BCAS3: variants seen among roughly 807,000 people sequenced by gnomAD.
BCAS3 encodes the protein BCAS3 microtubule associated cell migration factor.
BCAS3 carries 53 observed loss-of-function variants against 116.1 expected under a neutral mutation model. That is an observed-to-expected ratio of 0.46 (90% CI 0.37 to 0.57). BCAS3 has a LOEUF of 0.57. BCAS3 is among the 20% of genes least tolerant of loss of function. The pLI, the probability that BCAS3 is intolerant of heterozygous loss-of-function variation, is 0.00. For missense variants in BCAS3, 917 were observed against 1,165.4 expected (o/e 0.79, Z 3.10); for synonymous variants, 391 against 408.2 (o/e 0.96, Z 0.51).
intron 10 of BCAS3, among the ~76,000 whole-genome samples, chr17:60,896,240 A>G (rs1207698814): frequency 6.6e-6 from 1 of 152,216 alleles, no homozygotes; most frequent in East Asian, 1.9e-4. Context: ...CAAGAGAACC[A>G]TTTGGACCCA....
intron 6 of BCAS3, among the ~76,000 whole-genome samples, chr17:60,797,144 C>G (rs1374416437): frequency 6.6e-6 from 1 of 152,116 alleles, no homozygotes; most frequent in African/African-American, 2.4e-5. Flanking sequence ...GATCCACCCA[C>G]CTTGACCTCC....
At position 61,364,628 on chromosome 17, in the gene BCAS3, A is replaced by G. The variant is rs1239045987; in HGVS notation, c.2426-3699A>G. Among the ~76,000 whole-genome samples the G allele has an allele frequency of 6.6e-6, 1 of 152,232 alleles. No individual in the cohort carries two copies. Among genetic ancestry groups the G allele is most frequent in the Non-Finnish European group, 1.5e-5 (1 of 68,046 alleles). On this transcript the variant is annotated intron_variant, in intron 22 of 23. Transcript: ENST00000407086. This position sits in a 1 kb window ranked among gnomAD's most constrained non-coding sequence, Gnocchi z 5.4. Reference sequence around the variant, plus strand: ...GAGGCTGAGGTGGAAGGATCTCTTCAGCCCAGGAGGCTGTGGCTGCAGTGA... The same window carrying G: ...GAGGCTGAGGTGGAAGGATCTCTTCGGCCCAGGAGGCTGTGGCTGCAGTGA...
intron 14 of BCAS3, among the ~76,000 whole-genome samples, chr17:60,978,351 T>C (rs1322622218): frequency 6.6e-6 from 1 of 150,466 alleles, no homozygotes; most frequent in Non-Finnish European, 1.5e-5. Context: ...ATGGGGTTGT[T>C]TGTTTTTTTC....
At position 61,171,216 on chromosome 17, in the gene BCAS3, T is replaced by A. The variant is rs1333623250; in HGVS notation, c.2425+86652T>A. Among the ~76,000 whole-genome samples the A allele has an allele frequency of 6.6e-6, 1 of 152,206 alleles. No individual in the cohort carries two copies. Reference sequence around the variant, plus strand: ...ATGAAGTGATATAATACATCCTAAATGTGTAGACTTGGATAAGTTACAAAT... The same window carrying A: ...ATGAAGTGATATAATACATCCTAAAAGTGTAGACTTGGATAAGTTACAAAT... On this transcript the variant is annotated intron_variant, in intron 22 of 23. Coordinates refer to ENST00000407086, the MANE Select transcript of BCAS3 (RefSeq NM_017679.5). The surrounding 1 kb of genome is among the most constrained non-coding windows in gnomAD (Gnocchi z 4.1).
chr17:60,902,590 G>T (rs553689541), intron 10 of BCAS3, 30 bp from the exon 11 acceptor site: 1 of 1,536,024 alleles, frequency 6.5e-7, no homozygotes, highest in Admixed American at 1.7e-5. Context: ...TAGAAATGAC[G>T]TTCTGCTTCT....
chr17:61,057,128 CTT>C (rs1156542765), intron 19 of BCAS3, among the ~76,000 whole-genome samples: 1 of 152,194 alleles, frequency 6.6e-6, no homozygotes, highest in African/African-American at 2.4e-5. Context: ...ATCTGCATCT[CTT>C]TGCCATTAAT....
chr17:61,098,389 G>A lies in BCAS3; in HGVS notation c.2425+13825G>A, dbSNP rs994085211. 6.6e-6 allele frequency among the ~76,000 whole-genome samples: 1 copy of A among 152,082 alleles called. No individual in the cohort carries two copies. ...ATAGGATTAGAACATTGTATTTTTG[G>A]TTTTGGGTGCTGAAGTTCTAATCTT... On this transcript the variant is annotated intron_variant, in intron 22 of 23. Coordinates refer to ENST00000407086, the MANE Select transcript of BCAS3 (RefSeq NM_017679.5). This position sits in a 1 kb window ranked among gnomAD's most constrained non-coding sequence, Gnocchi z 4.2.
At chr17:60,769,118 G>T (rs2044397052) in intron 6 of BCAS3, among the ~76,000 whole-genome samples, 1 of 152,182 alleles carries the variant, frequency 6.6e-6, no homozygotes, top group Admixed American at 6.5e-5. Flanking sequence ...GTACTGATCT[G>T]GGTGATTTCC....
At chr17:61,336,594 A>C (rs556213612) in intron 22 of BCAS3, among the ~76,000 whole-genome samples, 157 of 152,316 alleles carry the variant, frequency 1.0e-3, no homozygotes, top group African/African-American at 3.7e-3. Context: ...CACTGTGTTC[A>C]TGCCAAGCCT....
chr17:60,809,407 C>T (rs1276160910), intron 7 of BCAS3, among the ~76,000 whole-genome samples: 2 of 152,136 alleles, frequency 1.3e-5, no homozygotes. Flanking sequence ...GCTTGAGAAA[C>T]TGCTAATCTT....
At position 61,189,610 on chromosome 17, in the gene BCAS3, C is replaced by T. The variant is rs892190538; in HGVS notation, c.2425+105046C>T. Reference sequence around the variant, plus strand: ...CACCTAGGGCAGGGGTAAATGGAATCGAAAGGAGAAGAATGGAGAGGAATA... The same window carrying T: ...CACCTAGGGCAGGGGTAAATGGAATTGAAAGGAGAAGAATGGAGAGGAATA... On this transcript the variant is annotated intron_variant, in intron 22 of 23. Coordinates refer to ENST00000407086, the MANE Select transcript of BCAS3 (RefSeq NM_017679.5). This position sits in a 1 kb window ranked among gnomAD's most constrained non-coding sequence, Gnocchi z 4.5. Among the ~76,000 whole-genome samples the T allele has an allele frequency of 2.0e-5, 3 of 151,976 alleles. No homozygotes were observed. The highest frequency in any genetic ancestry group is 2.1e-4 in the South Asian group (1 of 4,808).
At position 61,200,624 on chromosome 17, in the gene BCAS3, A is replaced by G. The variant is rs951681759; in HGVS notation, c.2425+116060A>G. On this transcript the variant is annotated intron_variant, in intron 22 of 23. Transcript: ENST00000407086. This position sits in a 1 kb window ranked among gnomAD's most constrained non-coding sequence, Gnocchi z 5.1. ...TAGAGCGTATTTCTTTTGATTATCA[A>G]TGCGGGTGGTAGTGAGGTATCCTCA... 1.3e-5 allele frequency among the ~76,000 whole-genome samples: 2 copies of G among 152,190 alleles called. No homozygotes were observed. Among genetic ancestry groups the G allele is most frequent in the Non-Finnish European group, 2.9e-5 (2 of 68,028 alleles).
At chr17:60,814,311 G>GCGCGCA (rs57528477) in intron 7 of BCAS3, among the ~76,000 whole-genome samples, 4 of 150,026 alleles carry the variant, frequency 2.7e-5, no homozygotes, top group African/African-American at 1.0e-4. Flanking sequence ...GTGTGTGCGC[G>GCGCGCA]CGTGCCCATT....
chr17:60,978,794 T>A (rs2145387486), intron 14 of BCAS3, among the ~76,000 whole-genome samples: 1 of 147,730 alleles, frequency 6.8e-6, no homozygotes, highest in Non-Finnish European at 1.5e-5. Context: ...GTCAGGTTTG[T>A]CAAAGATCAG....
chr17:60,892,561 G>A (rs112415163), intron 10 of BCAS3, among the ~76,000 whole-genome samples: 6,472 of 151,800 alleles, frequency 0.043, 428 homozygotes, highest in African/African-American at 0.15. Context: ...TGCCCGCCTC[G>A]GCCTCCCAGA....
At chr17:60,913,686 C>T (rs984414500) in intron 12 of BCAS3, among the ~76,000 whole-genome samples, 1 of 152,030 alleles carries the variant, frequency 6.6e-6, no homozygotes. Context: ...AATACATTGA[C>T]TTTTGCTGTT....
intron 21 of BCAS3, among the ~76,000 whole-genome samples, chr17:61,081,161 C>A (rs2072562652): frequency 6.6e-6 from 1 of 152,170 alleles, no homozygotes; most frequent in Non-Finnish European, 1.5e-5. Context: ...CCAATTTATT[C>A]TCTTCACAAC....
At chr17:60,911,837 A>G (rs2058532178) in intron 12 of BCAS3, among the ~76,000 whole-genome samples, 1 of 152,242 alleles carries the variant, frequency 6.6e-6, no homozygotes, top group South Asian at 2.1e-4. Flanking sequence ...TAGTATCAAA[A>G]TTTATAACAG....
In BCAS3 at chr17:60,825,037, G is replaced by A. The variant is rs1465189535; in HGVS notation, c.476+16961G>A. Among the ~76,000 whole-genome samples, 9 of 152,068 alleles carry A rather than the reference G, an allele frequency of 5.9e-5. No homozygotes were observed. In the East Asian group the frequency reaches 1.7e-3, roughly 29 times the overall value. The stretch of plus-strand genomic sequence containing the variant: ...AAAAATGAGCTGGGTGTGGTGGCAT[G>A]CATCTATAGTCCTAGCTACGTGGGA... On this transcript the variant is annotated intron_variant, in intron 7 of 23. Coordinates refer to ENST00000407086, the MANE Select transcript of BCAS3 (RefSeq NM_017679.5).
Sources: gnomAD v4.1 joint callset for allele counts (sites outside exome capture counted in the v4.1 genomes callset) on GRCh38, gnomAD v4.1.1 for gene constraint, Gnocchi (gnomAD v3.1) non-coding constraint, MANE v1.5 for transcripts, NCBI Gene and HGNC (gene_info 2026-07-23, HGNC 2026-07-21) for gene names.